RANBP3L: variants seen among roughly 807,000 people sequenced by gnomAD.
RANBP3L encodes the protein ran-binding protein 3-like.
RANBP3L carries 56 observed loss-of-function variants against 67.2 expected under a neutral mutation model. The observed-to-expected ratio is 0.83, with a 90% CI of 0.67 to 1.04. The LOEUF (loss-of-function observed/expected upper bound fraction) is 1.04, where lower values mean the gene tolerates loss of function less well. Among genes scored for constraint, RANBP3L ranks in the 50% least tolerant of loss-of-function variants. The probability of loss-of-function intolerance (pLI) is 0.00; values close to 1 mark genes in which losing one functional copy is unlikely to be tolerated. For synonymous variants in RANBP3L, 164 were observed against 181.4 expected (o/e 0.90, Z 0.77); for missense variants, 496 against 535.5 (o/e 0.93, Z 0.73).
intron 12 of RANBP3L, among the ~76,000 whole-genome samples, chr5:36,253,146 A>T (rs1217877527): frequency 6.6e-6 from 1 of 152,012 alleles, no homozygotes; most frequent in African/African-American, 2.4e-5. Flanking sequence ...CTGTGCTCCC[A>T]TCCTGTTACC....
At chr5:36,278,309 A>T (rs1750740544) in intron 1 of RANBP3L, among the ~76,000 whole-genome samples, 1 of 152,012 alleles carries the variant, frequency 6.6e-6, no homozygotes, top group Non-Finnish European at 1.5e-5. Flanking sequence ...GCCCATAAAT[A>T]GTCTTAGAGA....
At chr5:36,285,839 A>G (rs1282029572) in intron 1 of RANBP3L, among the ~76,000 whole-genome samples, 1 of 152,190 alleles carries the variant, frequency 6.6e-6, no homozygotes. Flanking sequence ...TCATTGGTGA[A>G]ATTAATGGCA....
chr5:36,291,545 C>A (rs895722908), intron 1 of RANBP3L, among the ~76,000 whole-genome samples: 3 of 152,062 alleles, frequency 2.0e-5, no homozygotes, highest in Non-Finnish European at 2.9e-5. Flanking sequence ...GCTATCCCTC[C>A]CCTCTGCCCC....
rs1265665042 is a variant in RANBP3L at position 36,247,141 on chromosome 5, A to G, written c.*2513T>C. Among the ~76,000 whole-genome samples the G allele has an allele frequency of 6.6e-5, 10 of 152,230 alleles. 1 individual carries two copies. The highest frequency in any genetic ancestry group is 6.5e-4 in the Admixed American group (10 of 15,288). ...GTTATTGTACAACTCATCTCTCCTT[A>G]TAAAAGGAGAACAAAGGACATAGGA... On this transcript the variant is annotated 3_prime_UTR_variant, in exon 14 of 14. Transcript: ENST00000296604.
chr5:36,258,005 A>C (rs192506722), intron 8 of RANBP3L, among the ~76,000 whole-genome samples: 2 of 152,322 alleles, frequency 1.3e-5, no homozygotes, highest in East Asian at 3.9e-4. Context: ...ACAGCTCTGT[A>C]TATAGTAATA....
At chr5:36,261,378 A>G (rs1561104475) in intron 7 of RANBP3L, among the ~76,000 whole-genome samples, 1 of 152,110 alleles carries the variant, frequency 6.6e-6, no homozygotes, top group South Asian at 2.1e-4. Flanking sequence ...TTGTAGACAG[A>G]TGTGCTCAGG....
chr5:36,289,323 C>T (rs1004003515), intron 1 of RANBP3L, among the ~76,000 whole-genome samples: 1 of 152,036 alleles, frequency 6.6e-6, no homozygotes, highest in Non-Finnish European at 1.5e-5. Flanking sequence ...GCCTGAAATC[C>T]AAAAATGTAG....
At position 36,247,560 on chromosome 5, in the gene RANBP3L, T is replaced by C. The variant is rs1272492991; in HGVS notation, c.*2094A>G. On this transcript the variant is annotated 3_prime_UTR_variant, in exon 14 of 14. Coordinates refer to ENST00000296604, the MANE Select transcript of RANBP3L (RefSeq NM_145000.5). ...GAAGATAATTGCTTTATCTCTACCT[T>C]AGTGTGGGGACGAGGATGAACATGT... is the stretch of plus-strand genomic sequence containing the variant. Among the ~76,000 whole-genome samples, 1 of 152,204 alleles carries C rather than the reference T, an allele frequency of 6.6e-6. No homozygotes were observed. The highest frequency in any genetic ancestry group is 1.5e-5 in the Non-Finnish European group (1 of 68,036).
rs1750095063 is a variant in RANBP3L, at chr5:36,269,976, G to A, written c.165C>T (p.Asp55=). ...CTGGTTCTGCTGCTTCATACAGGGT[G>A]TCTTCTGCAGGTCTCTGAAAGGAAA... is the stretch of plus-strand genomic sequence containing the variant. The part of the protein sequence containing the change: ...GEQTFKRPAE[D]TLYEAAEPEC... The change falls in exon 3 of 14, where the codon GAC becomes GAT. Residue 55 remains aspartate, a synonymous_variant. Coordinates refer to ENST00000296604, the MANE Select transcript of RANBP3L (RefSeq NM_145000.5). 6.2e-7 allele frequency: 1 copy of A among 1,613,578 alleles called. No homozygotes were observed. Among genetic ancestry groups the A allele is most frequent in the East Asian group, 2.2e-5 (1 of 44,864 alleles).
At chr5:36,290,282 G>A (rs1296799129) in intron 1 of RANBP3L, among the ~76,000 whole-genome samples, 1 of 147,868 alleles carries the variant, frequency 6.8e-6, no homozygotes, top group Admixed American at 6.8e-5. Flanking sequence ...CAGTGACACA[G>A]TCTTGACTCA....
rs1748385281 is a variant in RANBP3L, at chr5:36,248,105, AAG to A, written c.*1547_*1548del. ...AGAGTCACTCTTCTTGATTTTAAAAAAGAGTATTTCTGTTGTCCATTCTTTTT... is the reference window on the plus strand; with the variant it reads ...AGAGTCACTCTTCTTGATTTTAAAAAAGTATTTCTGTTGTCCATTCTTTTT... On this transcript the variant is annotated 3_prime_UTR_variant, in exon 14 of 14. Transcript: ENST00000296604. 6.6e-6 allele frequency among the ~76,000 whole-genome samples: 1 copy of A among 152,208 alleles called. No homozygotes were observed. The highest frequency in any genetic ancestry group is 1.5e-5 in the Non-Finnish European group (1 of 68,032).
At position 36,262,054 on chromosome 5, in the gene RANBP3L, G is replaced by C. The variant is rs1279413313; in HGVS notation, c.481-12C>G. 7.3e-7 allele frequency: 1 copy of C among 1,369,806 alleles called. No individual in the cohort carries two copies. The highest frequency in any genetic ancestry group is 1.2e-5 in the South Asian group (1 of 84,318). The allele number at this position is 1,369,806 out of a possible 1,614,324, so 84.9% of individuals were successfully genotyped here. On this transcript the variant is annotated splice_polypyrimidine_tract_variant and intron_variant, in intron 6 of 13. Transcript: ENST00000296604. ...TTTCCCTCAGAAATCTGAAAGTAAA[G>C]AAATCCATCAAAAAGTTTATAAAGA...
At chr5:36,287,950 TC>T (rs1331765389) in intron 1 of RANBP3L, among the ~76,000 whole-genome samples, 8 of 152,208 alleles carry the variant, frequency 5.3e-5, no homozygotes, top group Non-Finnish European at 7.3e-5. Flanking sequence ...TTCAGTCTCT[TC>T]ACTATTCTGT....
intron 3 of RANBP3L, 63 bp downstream of exon 3, chr5:36,269,888 C>T (rs545673751): frequency 7.4e-6 from 10 of 1,348,984 alleles, no homozygotes; most frequent in Middle Eastern, 3.6e-4. Context: ...TGCCAAAATA[C>T]TTGTGTCTGC....
At position 36,264,958 on chromosome 5, in the gene RANBP3L, CCTT is replaced by C. The variant is rs1749651215; in HGVS notation, c.478_480del (p.Lys160del). 1 of 1,611,540 alleles carries C rather than the reference CCTT, an allele frequency of 6.2e-7. No homozygotes were observed. Among genetic ancestry groups the C allele is most frequent in the East Asian group, 2.2e-5 (1 of 44,832 alleles). ...AGTTCCGTTATCCTGGGCTTTCTCA[CCTT>C]ATTATTTGTTTTTTCTTTAGTCTTG... On this transcript the variant is annotated inframe_deletion and splice_region_variant, in exon 6 of 14. Coordinates refer to ENST00000296604, the MANE Select transcript of RANBP3L (RefSeq NM_145000.5).
chr5:36,255,701 T>G (rs1748925065), intron 10 of RANBP3L, 111 bp from the exon 11 acceptor site: 4 of 607,806 alleles, frequency 6.6e-6, no homozygotes, highest in African/African-American at 1.9e-5. Flanking sequence ...AAAATAATCT[T>G]TGTTAATGAT....
At chr5:36,290,726 C>CTTTTTTTT (rs61105686) in intron 1 of RANBP3L, among the ~76,000 whole-genome samples, 2 of 55,444 alleles carry the variant, frequency 3.6e-5, no homozygotes, top group Non-Finnish European at 3.1e-5. Flanking sequence ...ACAACCATGG[C>CTTTTTTTT]TTTTTTTTTT....
chr5:36,280,435 C>A (rs1750892978), intron 1 of RANBP3L, among the ~76,000 whole-genome samples: 1 of 152,120 alleles, frequency 6.6e-6, no homozygotes, highest in African/African-American at 2.4e-5. Flanking sequence ...TCTTCAGCAG[C>A]AATAATTCAA....
intron 8 of RANBP3L, among the ~76,000 whole-genome samples, chr5:36,260,101 C>G (rs985921770): frequency 6.6e-6 from 1 of 151,862 alleles, no homozygotes; most frequent in Non-Finnish European, 1.5e-5. Flanking sequence ...AGCTTATAAT[C>G]CCAGCACTTT....
Sources: gnomAD v4.1 joint callset for allele counts (sites outside exome capture counted in the v4.1 genomes callset) on GRCh38, gnomAD v4.1.1 for gene constraint, MANE v1.5 for transcripts, NCBI Gene and HGNC (gene_info 2026-07-23, HGNC 2026-07-21) for gene names.